The following MTFR1 variants were observed in gnomAD, a reference collection of about 807,000 sequenced individuals.
The protein encoded by MTFR1 is chondrocyte protein with a poly-proline region.
MTFR1 carries 28 observed loss-of-function variants against 38.8 expected under a neutral mutation model. The observed-to-expected ratio is 0.72, with a 90% CI of 0.53 to 0.99. The LOEUF (loss-of-function observed/expected upper bound fraction) is 0.99. Ranked by LOEUF, MTFR1 falls within the 50% of genes least tolerant of loss-of-function variation. The pLI is 0.00. For synonymous variants in MTFR1, 145 were observed against 137.0 expected, an observed-to-expected ratio of 1.06 and a Z score of -0.41; for missense variants, 358 against 395.5, an observed-to-expected ratio of 0.91 and a Z score of 0.81.
In MTFR1 at chr8:65,682,346, T is replaced by C. The variant is rs1282611849; in HGVS notation, c.67-7T>C. 1.5e-5 allele frequency: 22 copies of C among 1,509,020 alleles called. No homozygotes were observed. Among genetic ancestry groups the C allele is most frequent in the Non-Finnish European group, 1.7e-5 (19 of 1,116,258 alleles). The allele number at this position is 1,509,020 out of a possible 1,614,324, so 93.5% of individuals were successfully genotyped here. ...AATTAAGCTTTCGGTTTTTCCTACT[T>C]CCTCAGGTACTTTGGTCTAGGAAGC... On this transcript the variant is annotated splice_region_variant and splice_polypyrimidine_tract_variant and intron_variant, in intron 2 of 7. Transcript: ENST00000262146.
chr8:65,654,303 A>AT lies in MTFR1; in HGVS notation c.-81+9522dup, dbSNP rs1207341189. 4.6e-5 allele frequency among the ~76,000 whole-genome samples: 7 copies of AT among 151,892 alleles called. No individual in the cohort carries two copies. In the East Asian group the frequency reaches 1.2e-3, roughly 25 times the overall value. On this transcript the variant is annotated intron_variant, in intron 1 of 7. Transcript: ENST00000262146. ...GTTATTTTTAATGGAATTAATATGT[A>AT]TTTGTAACTTTTTTCATTCAGCATT... is the stretch of plus-strand genomic sequence containing the variant.
chr8:65,662,938 C>T (rs964830425), intron 1 of MTFR1, among the ~76,000 whole-genome samples: 13 of 151,490 alleles, frequency 8.6e-5, no homozygotes, highest in African/African-American at 2.7e-4. Context: ...GGCCAGCCAC[C>T]CCGTCCGGGA....
At chr8:65,720,783 A>T (rs1806341275) in intron 3 of MTFR1, among the ~76,000 whole-genome samples, 3 of 152,212 alleles carry the variant, frequency 2.0e-5, no homozygotes. Context: ...GAAAAGTGTC[A>T]TTATAGTCAA....
rs567859301 is a variant in MTFR1, at chr8:65,707,931, C to T, written c.853C>T (p.Arg285Trp). 1.2e-5 allele frequency: 20 copies of T among 1,613,972 alleles called. No individual in the cohort carries two copies. Among genetic ancestry groups the T allele is most frequent in the Admixed American group, 5.0e-5 (3 of 60,020 alleles). ...GGCTCTGAAAAAGAAATTTGCTTAT[C>T]GGTATCGAAGTGATAGCCAAGATGA... The part of the protein sequence containing the change: ...AEALKKKFAY[R>W]YRSDSQDEVE... Residue 285 changes from arginine to tryptophan, a missense_variant, in exon 7 of 8, where the codon CGG (arginine) becomes TGG (tryptophan). Coordinates refer to ENST00000262146, the MANE Select transcript of MTFR1 (RefSeq NM_014637.4).
Position 65,677,814 on chromosome 8 carries a change from G to A in MTFR1, c.67-4539G>A, listed in dbSNP as rs548393729. ...GGGTGGATCATGAGGTCAAGAGATC[G>A]AGACCATCCTGGCCAACATGGTGAA... On this transcript the variant is annotated intron_variant, in intron 2 of 7. Transcript: ENST00000262146. Among the ~76,000 whole-genome samples, 11 of 151,322 alleles carry A rather than the reference G, an allele frequency of 7.3e-5. No homozygotes were observed. The East Asian group carries it at 1.4e-3, about 19-fold the overall frequency.
chr8:65,755,455 T>G (rs951615986), intron 3 of MTFR1, among the ~76,000 whole-genome samples: 19 of 152,246 alleles, frequency 1.2e-4, no homozygotes, highest in Non-Finnish European at 8.8e-5. Context: ...ATTAACACCT[T>G]AAACTTATAA....
At chr8:65,776,472 T>C in the MTFR1 span, among the ~76,000 whole-genome samples, 11 of 152,162 alleles carry the variant, frequency 7.2e-5, no homozygotes, top group African/African-American at 2.2e-4. Context: ...ACTAAACCTA[T>C]ACAGATCAAT....
intron 3 of MTFR1, among the ~76,000 whole-genome samples, chr8:65,732,277 G>C (rs1211307530): frequency 1.3e-5 from 2 of 152,118 alleles, no homozygotes; most frequent in Non-Finnish European, 2.9e-5. Flanking sequence ...GGGATTACAG[G>C]CGTGAGCCAC....
intron 1 of MTFR1, among the ~76,000 whole-genome samples, chr8:65,664,562 C>A (rs1385066797): frequency 6.7e-6 from 1 of 149,400 alleles, no homozygotes; most frequent in African/African-American, 2.5e-5. Context: ...GTATATTTTT[C>A]TGTGTAGGTT....
At chr8:65,651,762 C>G (rs1809129590) in intron 1 of MTFR1, among the ~76,000 whole-genome samples, 1 of 151,742 alleles carries the variant, frequency 6.6e-6, no homozygotes, top group African/African-American at 2.4e-5. Flanking sequence ...CTTTGGCTAT[C>G]CTGGGTCTTT....
chr8:65,760,495 C>T lies in MTFR1; in HGVS notation c.*49-10452C>T, dbSNP rs888983879. Reference sequence around the variant, plus strand: ...TAGAACAAGGAATAGGAGTGCACTTCAATAGTGTCTAAAACCCATGCCAAA... The same window carrying T: ...TAGAACAAGGAATAGGAGTGCACTTTAATAGTGTCTAAAACCCATGCCAAA... On this transcript the variant is annotated intron_variant, in intron 3 of 3. Coordinates refer to the MTFR1 transcript ENST00000521247. Among the ~76,000 whole-genome samples the T allele has an allele frequency of 2.0e-5, 3 of 152,194 alleles. No homozygotes were observed. The South Asian group carries it at 6.2e-4, about 32-fold the overall frequency.
intron 1 of MTFR1, among the ~76,000 whole-genome samples, chr8:65,646,893 G>A (rs1808977449): frequency 6.6e-6 from 1 of 152,120 alleles, no homozygotes; most frequent in South Asian, 2.1e-4. Flanking sequence ...AGTGTTAGAT[G>A]AATAAGGAAT....
chr8:65,714,259 G>A (rs1438915504), downstream of MTFR1: 3 of 150,894 alleles, frequency 2.0e-5, no homozygotes, highest in Non-Finnish European at 4.4e-5. Flanking sequence ...CATGACTCCA[G>A]TATAGACGGA....
intron 4 of MTFR1, among the ~76,000 whole-genome samples, chr8:65,700,214 G>A (rs1805570045): frequency 6.6e-6 from 1 of 151,804 alleles, no homozygotes; most frequent in Non-Finnish European, 1.5e-5. Flanking sequence ...CGCTGGGTGT[G>A]GTGGTACACA....
At chr8:65,678,780 A>G (rs1300605870) in intron 2 of MTFR1, among the ~76,000 whole-genome samples, 1 of 151,990 alleles carries the variant, frequency 6.6e-6, no homozygotes, top group African/African-American at 2.4e-5. Context: ...ACCTGCCTAT[A>G]ATTCTAGCTA....
Position 65,764,521 on chromosome 8 carries a change from A to G in MTFR1, c.*49-6426A>G, listed in dbSNP as rs527811525. 4.6e-5 allele frequency among the ~76,000 whole-genome samples: 7 copies of G among 152,342 alleles called. No individual in the cohort carries two copies. The East Asian group carries it at 1.3e-3, about 29-fold the overall frequency. ...GAAAGTTAGATAAGAGAAAAATACT[A>G]TAATGAAGAAAGCTGCATGGCTGAG... is the stretch of plus-strand genomic sequence containing the variant. On this transcript the variant is annotated intron_variant, in intron 3 of 3. Transcript: ENST00000521247.
Position 65,723,793 on chromosome 8 carries a change from G to A in MTFR1, c.*48+4312G>A, listed in dbSNP as rs555978383. ...AATTTTAAGTTATTTACACATAGAA[G>A]AGATTGCCAAGCTGATATTTTTATT... On this transcript the variant is annotated intron_variant, in intron 3 of 3. Coordinates refer to the MTFR1 transcript ENST00000521247. Among the ~76,000 whole-genome samples, 36 of 152,256 alleles carry A rather than the reference G, an allele frequency of 2.4e-4. No individual in the cohort carries two copies. The South Asian group carries it at 7.5e-3, about 32-fold the overall frequency.
intron 6 of MTFR1, 28 bp from the exon 7 acceptor site, chr8:65,707,815 C>A (rs1236523251): frequency 6.2e-7 from 1 of 1,608,328 alleles, no homozygotes; most frequent in South Asian, 1.1e-5. Flanking sequence ...ATTGATCTGT[C>A]CCCTTGGTTT....
chr8:65,680,899 CTTTTTTTTTTTT>C (rs1199113408), intron 2 of MTFR1, among the ~76,000 whole-genome samples: 3 of 93,630 alleles, frequency 3.2e-5, no homozygotes, highest in South Asian at 4.2e-4. Flanking sequence ...AAGCAGTTCT[CTTTTTTTTTTTT>C]TTTTTTTTTT....
Sources: allele counts gnomAD v4.1 joint callset (sites outside exome capture counted in the v4.1 genomes callset), GRCh38; gene constraint gnomAD v4.1.1; transcripts MANE v1.5; gene names NCBI Gene and HGNC (gene_info 2026-07-23, HGNC 2026-07-21).